Variants in SH2D4B observed in about 807,000 individuals in gnomAD.
SH2D4B encodes SH2 domain-containing protein 4B.
A neutral mutation model predicts 61.5 loss-of-function variants in SH2D4B; 45 were observed. The observed-to-expected ratio is 0.73, with a 90% CI of 0.58 to 0.94. The LOEUF is 0.94. Among genes scored for constraint, SH2D4B ranks in the 40% least tolerant of loss-of-function variants. The pLI is 0.00. For synonymous variants in SH2D4B, 224 were observed against 220.4 expected (o/e 1.02, Z -0.14); for missense variants, 572 against 574.2 (o/e 1.00, Z 0.04).
intron 1 of SH2D4B, among the ~76,000 whole-genome samples, chr10:80,569,736 T>C (rs891388535): frequency 6.6e-6 from 1 of 152,150 alleles, no homozygotes; most frequent in Non-Finnish European, 1.5e-5. Context: ...ATCCTTGCTT[T>C]ACAGTTAAAC....
chr10:80,567,989 A>G (rs1191738163), intron 1 of SH2D4B, among the ~76,000 whole-genome samples: 1 of 151,816 alleles, frequency 6.6e-6, no homozygotes, highest in African/African-American at 2.4e-5. Flanking sequence ...ATATTTCTCA[A>G]CTCGACATTC....
chr10:80,634,255 G>A, intron 6 of SH2D4B, 30 bp from the exon 7 acceptor site: 1 of 1,482,960 alleles, frequency 6.7e-7, no homozygotes, highest in Middle Eastern at 1.8e-4. Context: ...AACCTGCTGT[G>A]TTTTTTTGTT....
chr10:80,571,673 G>T, intron 3 of SH2D4B, 95 bp downstream of exon 3: 1 of 1,435,924 alleles, frequency 7.0e-7, no homozygotes, highest in Non-Finnish European at 9.5e-7. Context: ...CTTGGCCATT[G>T]GTTGGTACTG....
At chr10:80,613,728 C>T (rs1203325022) in intron 6 of SH2D4B, among the ~76,000 whole-genome samples, 2 of 152,230 alleles carry the variant, frequency 1.3e-5, no homozygotes, top group Non-Finnish European at 2.9e-5. Context: ...GTAGACAGTG[C>T]AGGGATCCCA....
intron 1 of SH2D4B, among the ~76,000 whole-genome samples, chr10:80,567,188 C>A (rs1026061106): frequency 6.6e-6 from 1 of 152,132 alleles, no homozygotes; most frequent in East Asian, 1.9e-4. Flanking sequence ...AAGGCACACC[C>A]GCTGCTAACC....
intron 1 of SH2D4B, among the ~76,000 whole-genome samples, chr10:80,546,268 G>C (rs114671023): frequency 6.6e-6 from 1 of 151,676 alleles, no homozygotes; most frequent in Non-Finnish European, 1.5e-5. Flanking sequence ...GACTGCTCTC[G>C]AACTTCTGGG....
chr10:80,638,599 G>A (rs145084092), intron 7 of SH2D4B, among the ~76,000 whole-genome samples: 217 of 152,174 alleles, frequency 1.4e-3, no homozygotes, highest in African/African-American at 4.7e-3. Context: ...ATTCTCTGAC[G>A]GTAGTTTGTA....
chr10:80,551,528 A>C (rs1841761431), intron 1 of SH2D4B, among the ~76,000 whole-genome samples: 1 of 152,192 alleles, frequency 6.6e-6, no homozygotes, highest in Non-Finnish European at 1.5e-5. Flanking sequence ...CCAATAGAAA[A>C]ATGAAGGAAA....
At chr10:80,604,523 G>T (rs936681852) in intron 5 of SH2D4B, among the ~76,000 whole-genome samples, 3 of 152,168 alleles carry the variant, frequency 2.0e-5, no homozygotes, top group Non-Finnish European at 4.4e-5. Context: ...GCACCTGCCT[G>T]CTCCTTTAAC....
chr10:80,591,976 G>A (rs894089764), intron 4 of SH2D4B, among the ~76,000 whole-genome samples: 4 of 152,166 alleles, frequency 2.6e-5, no homozygotes, highest in African/African-American at 9.7e-5. Context: ...GTCTTCCAAA[G>A]TGACTGCACC....
At chr10:80,557,134 A>G (rs937431156) in intron 1 of SH2D4B, among the ~76,000 whole-genome samples, 2 of 152,114 alleles carry the variant, frequency 1.3e-5, no homozygotes, top group African/African-American at 4.8e-5. Flanking sequence ...GTTTTTCTGT[A>G]ACTACTGAGA....
intron 7 of SH2D4B, among the ~76,000 whole-genome samples, chr10:80,639,291 G>A (rs1317564962): frequency 6.6e-6 from 1 of 152,220 alleles, no homozygotes; most frequent in Non-Finnish European, 1.5e-5. Flanking sequence ...TTCTGTAGAT[G>A]TCTATTAGGC....
chr10:80,541,013 G>A, intron 1 of SH2D4B: 1 of 1,022,820 alleles, frequency 9.8e-7, no homozygotes, highest in African/African-American at 1.6e-5. Context: ...AGAATGATAG[G>A]AAAGGCAAGA....
chr10:80,539,990 C>A lies in SH2D4B; in HGVS notation c.184+1475C>A, dbSNP rs1294923270. 6.6e-6 allele frequency among the ~76,000 whole-genome samples: 1 copy of A among 152,112 alleles called. No homozygotes were observed. The highest frequency in any genetic ancestry group is 1.9e-4 in the East Asian group (1 of 5,184). On this transcript the variant is annotated intron_variant, in intron 1 of 7. Transcript: ENST00000646907. The surrounding 1 kb of genome is among the most constrained non-coding windows in gnomAD (Gnocchi z 4.9). ...CCTTGCCAGCACCACCCGGCCTGAG[C>A]CCTGGGGACTCATGATGCCTGCATG...
intron 6 of SH2D4B, among the ~76,000 whole-genome samples, chr10:80,620,858 A>G (rs553899331): frequency 6.6e-6 from 1 of 152,340 alleles, no homozygotes; most frequent in South Asian, 2.1e-4. Flanking sequence ...AATTCTAATT[A>G]TTCAGTGATT....
At chr10:80,571,637 G>T in intron 3 of SH2D4B, 59 bp downstream of exon 3, 1 of 1,597,022 alleles carries the variant, frequency 6.3e-7, no homozygotes, top group Non-Finnish European at 8.5e-7. Flanking sequence ...GAGACCACTG[G>T]GGCTGACCTC....
intron 6 of SH2D4B, among the ~76,000 whole-genome samples, chr10:80,630,522 C>T (rs956909840): frequency 6.6e-6 from 1 of 152,130 alleles, no homozygotes; most frequent in Non-Finnish European, 1.5e-5. Flanking sequence ...ATCAGCTGAG[C>T]AGGTTGCACA....
chr10:80,585,374 G>C (rs912171692), intron 3 of SH2D4B, among the ~76,000 whole-genome samples: 1 of 151,338 alleles, frequency 6.6e-6, no homozygotes, highest in African/African-American at 2.4e-5. Flanking sequence ...GAGTGCAATG[G>C]CGTGATCTCA....
At chr10:80,602,186 C>T (rs72805746) in intron 4 of SH2D4B, among the ~76,000 whole-genome samples, 11,031 of 152,138 alleles carry the variant, frequency 0.073, 524 homozygotes, top group African/African-American at 0.13. Flanking sequence ...AGAGGTCGTG[C>T]GTGGGGGTTC....
Sources: gnomAD v4.1 joint callset for allele counts (sites outside exome capture counted in the v4.1 genomes callset) on GRCh38, gnomAD v4.1.1 for gene constraint, Gnocchi (gnomAD v3.1) non-coding constraint, MANE v1.5 for transcripts, NCBI Gene and HGNC (gene_info 2026-07-23, HGNC 2026-07-21) for gene names.